TANGO6: variants seen among roughly 807,000 people sequenced by gnomAD.
TANGO6 encodes the protein transport and Golgi organization protein 6 homolog.
A neutral mutation model predicts 114.2 loss-of-function variants in TANGO6; 90 were observed. The observed-to-expected ratio is 0.79, with a 90% CI of 0.66 to 0.94. TANGO6 has a LOEUF of 0.94. Among genes scored for constraint, TANGO6 ranks in the 40% least tolerant of loss-of-function variants. The probability of loss-of-function intolerance (pLI) is 0.00; values close to 1 mark genes in which losing one functional copy is unlikely to be tolerated. For synonymous variants in TANGO6, 477 were observed against 509.8 expected (o/e 0.94, Z 0.87); for missense variants, 1,274 against 1,315.3 (o/e 0.97, Z 0.49).
intron 17 of TANGO6, among the ~76,000 whole-genome samples, chr16:69,059,452 C>T (rs531385657): frequency 2.0e-5 from 3 of 151,950 alleles, no homozygotes; most frequent in Non-Finnish European, 4.4e-5. Context: ...GTGTTCCGCC[C>T]GCCTCAGCCT....
intron 3 of TANGO6, among the ~76,000 whole-genome samples, chr16:68,866,580 G>A (rs1400067628): frequency 4.7e-5 from 7 of 148,688 alleles, no homozygotes; most frequent in Admixed American, 3.4e-4. Context: ...CCGAGATTGC[G>A]CCACTGCAGT....
At chr16:68,931,529 A>G (rs1479540212) in intron 14 of TANGO6, among the ~76,000 whole-genome samples, 2 of 152,226 alleles carry the variant, frequency 1.3e-5, no homozygotes, top group African/African-American at 4.8e-5. Flanking sequence ...GAATGGATAA[A>G]CTAAATGTGG....
chr16:68,901,615 G>A (rs1342011225), intron 8 of TANGO6, among the ~76,000 whole-genome samples: 1 of 151,976 alleles, frequency 6.6e-6, no homozygotes, highest in Non-Finnish European at 1.5e-5. Context: ...CAGCCTCCTG[G>A]GTAGCTGGGC....
At chr16:69,027,285 T>C (rs180903607) in intron 16 of TANGO6, among the ~76,000 whole-genome samples, 174 of 152,342 alleles carry the variant, frequency 1.1e-3, no homozygotes, top group African/African-American at 4.0e-3. Flanking sequence ...TTCATATATT[T>C]TGCTTTATTT....
chr16:68,903,203 G>A (rs1184567738), intron 9 of TANGO6, among the ~76,000 whole-genome samples: 4 of 152,050 alleles, frequency 2.6e-5, no homozygotes, highest in Non-Finnish European at 5.9e-5. Context: ...TGGTTAACTT[G>A]GTAAAGTTGT....
chr16:69,000,432 A>T lies in TANGO6; in HGVS notation c.2843-22396A>T, dbSNP rs529519164. Reference sequence around the variant, plus strand: ...ACTGGTAGTCTATTTAGCTAAAATAACTCAAAGATTTCAAAAAGACAAAAA... The same window carrying T: ...ACTGGTAGTCTATTTAGCTAAAATATCTCAAAGATTTCAAAAAGACAAAAA... On this transcript the variant is annotated intron_variant, in intron 15 of 17. Coordinates refer to ENST00000261778, the MANE Select transcript of TANGO6 (RefSeq NM_024562.2). 6.6e-5 allele frequency among the ~76,000 whole-genome samples: 10 copies of T among 152,294 alleles called. No individual in the cohort carries two copies. In the South Asian group the frequency reaches 1.9e-3, roughly 28 times the overall value.
rs557077186 is a variant in TANGO6 at position 68,949,954 on chromosome 16, T to C, written c.2701+19659T>C. ...ATGTATGTACACAGTGGAATATTAT[T>C]TGGCAGTAAAAAGGAATGAACTATT... On this transcript the variant is annotated intron_variant, in intron 14 of 17. Transcript: ENST00000261778. Among the ~76,000 whole-genome samples the C allele has an allele frequency of 3.3e-5, 5 of 152,310 alleles. No homozygotes were observed. The South Asian group carries it at 1.0e-3, about 32-fold the overall frequency.
chr16:68,867,086 C>A lies in TANGO6; in HGVS notation c.860C>A (p.Thr287Lys). The A allele has an allele frequency of 6.3e-7, 1 of 1,594,188 alleles. No homozygotes were observed. The highest frequency in any genetic ancestry group is 8.6e-7 in the Non-Finnish European group (1 of 1,168,642). The part of the protein sequence containing the change: ...ILQGGPPQSC[T>K]DVKTQMRCRA... Reference sequence around the variant, plus strand: ...CCTTCTTCTTTTTCTCAGTCCTGCACAGATGTGAAGACACAGATGAGGTGT... The same window carrying A: ...CCTTCTTCTTTTTCTCAGTCCTGCAAAGATGTGAAGACACAGATGAGGTGT... The change falls in exon 4 of 18, where the codon ACA becomes AAA. Residue 287 changes from threonine (T) to lysine (K), a missense_variant. Physicochemically the swap from Thr to Lys is moderately conservative, Grantham distance 78 (BLOSUM62 -1). Coordinates refer to ENST00000261778, the MANE Select transcript of TANGO6 (RefSeq NM_024562.2).
intron 2 of TANGO6, among the ~76,000 whole-genome samples, chr16:68,861,704 A>T (rs181370457): frequency 5.3e-4 from 80 of 152,310 alleles, no homozygotes; most frequent in Non-Finnish European, 6.2e-4. Flanking sequence ...TGACAGAGGG[A>T]AAACATGCTG....
intron 14 of TANGO6, among the ~76,000 whole-genome samples, chr16:68,959,578 C>T (rs1438638396): frequency 6.6e-6 from 1 of 152,012 alleles, no homozygotes. Flanking sequence ...CAGAGCAAGA[C>T]TCCATCTCAA....
At chr16:68,858,431 C>T (rs758779523) in intron 1 of TANGO6, among the ~76,000 whole-genome samples, 4 of 152,142 alleles carry the variant, frequency 2.6e-5, no homozygotes, top group Non-Finnish European at 5.9e-5. Flanking sequence ...TTATTTTTGT[C>T]TTGTGACAGT....
intron 17 of TANGO6, among the ~76,000 whole-genome samples, chr16:69,081,530 G>C (rs2152245694): frequency 6.6e-6 from 1 of 151,812 alleles, no homozygotes; most frequent in Middle Eastern, 3.4e-3. Context: ...TAGTAGAGAT[G>C]GGGTTTCACC....
intron 12 of TANGO6, among the ~76,000 whole-genome samples, chr16:68,923,089 G>A (rs1039486299): frequency 2.7e-5 from 4 of 150,880 alleles, no homozygotes; most frequent in African/African-American, 4.9e-5. Flanking sequence ...CTGGGATTAC[G>A]GTCATGCACC....
At chr16:69,012,141 T>C (rs1009243348) in intron 15 of TANGO6, among the ~76,000 whole-genome samples, 2 of 152,196 alleles carry the variant, frequency 1.3e-5, no homozygotes, top group African/African-American at 2.4e-5. Context: ...GTCATTACCA[T>C]TGCACAAAGT....
intron 9 of TANGO6, among the ~76,000 whole-genome samples, chr16:68,906,278 C>G (rs1444945597): frequency 6.6e-6 from 1 of 152,178 alleles, no homozygotes; most frequent in African/African-American, 2.4e-5. Flanking sequence ...TCAACCTACT[C>G]ATTTTTCTGA....
intron 17 of TANGO6, among the ~76,000 whole-genome samples, chr16:69,078,986 T>C (rs973815350): frequency 6.0e-5 from 9 of 151,108 alleles, no homozygotes; most frequent in African/African-American, 2.2e-4. Flanking sequence ...TCAGGTGATC[T>C]GCCCGTCTCG....
chr16:68,953,379 G>A (rs955258595), intron 14 of TANGO6, among the ~76,000 whole-genome samples: 1 of 152,212 alleles, frequency 6.6e-6, no homozygotes, highest in East Asian at 1.9e-4. Flanking sequence ...CACTGCACCC[G>A]CCTCAACAGA....
At chr16:68,948,489 G>A (rs1963438833) in intron 14 of TANGO6, among the ~76,000 whole-genome samples, 1 of 152,086 alleles carries the variant, frequency 6.6e-6, no homozygotes, top group African/African-American at 2.4e-5. Context: ...TGTGCCTCTG[G>A]CTCTGAAGTC....
chr16:69,027,836 A>C (rs1959529392), intron 16 of TANGO6, among the ~76,000 whole-genome samples: 1 of 151,546 alleles, frequency 6.6e-6, no homozygotes, highest in South Asian at 2.1e-4. Context: ...ACTGGAGTAC[A>C]ATGGCGTGAT....
Sources: allele counts gnomAD v4.1 joint callset (sites outside exome capture counted in the v4.1 genomes callset), GRCh38; gene constraint gnomAD v4.1.1; transcripts MANE v1.5; gene names NCBI Gene and HGNC (gene_info 2026-07-23, HGNC 2026-07-21).